Variants in DTNBP1 observed in about 807,000 individuals in gnomAD.
DTNBP1 encodes dysbindin.
DTNBP1 carries 35 observed loss-of-function variants against 42.8 expected under a neutral mutation model. That is an observed-to-expected ratio of 0.82 (90% CI 0.63 to 1.09). The LOEUF is 1.09. Ranked by LOEUF, DTNBP1 falls within the 50% of genes least tolerant of loss-of-function variation. The probability of loss-of-function intolerance (pLI) is 0.00; values close to 1 mark genes in which losing one functional copy is unlikely to be tolerated. For synonymous variants in DTNBP1, 171 were observed against 162.2 expected (o/e 1.05, Z -0.41); for missense variants, 457 against 424.2 (o/e 1.08, Z -0.68).
intron 7 of DTNBP1, among the ~76,000 whole-genome samples, chr6:15,577,739 G>A (rs966850896): frequency 6.6e-6 from 1 of 152,146 alleles, no homozygotes; most frequent in African/African-American, 2.4e-5. Context: ...GTGAGGCCAG[G>A]ATTGGAGCCA....
chr6:15,632,441 A>T (rs567804555), intron 4 of DTNBP1, among the ~76,000 whole-genome samples: 1 of 152,356 alleles, frequency 6.6e-6, no homozygotes, highest in South Asian at 2.1e-4. Flanking sequence ...ACATTATACT[A>T]GAGTTTCTAC....
At chr6:15,632,215 T>C (rs1759735844) in intron 4 of DTNBP1, among the ~76,000 whole-genome samples, 1 of 152,218 alleles carries the variant, frequency 6.6e-6, no homozygotes, top group South Asian at 2.1e-4. Flanking sequence ...ACTTAATTTT[T>C]CACGGTGTTG....
At chr6:15,625,955 T>C (rs1759314877) in intron 5 of DTNBP1, among the ~76,000 whole-genome samples, 1 of 152,216 alleles carries the variant, frequency 6.6e-6, no homozygotes, top group Non-Finnish European at 1.5e-5. Flanking sequence ...TTTACACTTT[T>C]CTAAGACCCA....
At chr6:15,524,226 A>C (rs561962619) in intron 9 of DTNBP1, 1 of 1,546,164 alleles carries the variant, frequency 6.5e-7, no homozygotes, top group South Asian at 1.2e-5. Flanking sequence ...AACCACAAGG[A>C]GCAGACTCAA....
chr6:15,600,988 G>A (rs1032033129), intron 6 of DTNBP1, among the ~76,000 whole-genome samples: 2 of 152,198 alleles, frequency 1.3e-5, no homozygotes, highest in Non-Finnish European at 2.9e-5. Flanking sequence ...CATGCCCAAG[G>A]AGGGTCTGCA....
chr6:15,621,509 G>C (rs1759038639), intron 5 of DTNBP1, among the ~76,000 whole-genome samples: 1 of 152,154 alleles, frequency 6.6e-6, no homozygotes, highest in Non-Finnish European at 1.5e-5. Flanking sequence ...TTATCAACCT[G>C]GAATTCCTAA....
chr6:15,573,555 C>T (rs1276840387), intron 7 of DTNBP1, among the ~76,000 whole-genome samples: 1 of 152,110 alleles, frequency 6.6e-6, no homozygotes, highest in East Asian at 1.9e-4. Flanking sequence ...TGGCTCACAT[C>T]TATAATCCCA....
chr6:15,522,977 A>T lies in DTNBP1; in HGVS notation c.1054T>A (p.Ter352LysextTer29). 1 of 1,614,180 alleles carries T rather than the reference A, an allele frequency of 6.2e-7. No homozygotes were observed. Among genetic ancestry groups the T allele is most frequent in the Non-Finnish European group, 8.5e-7 (1 of 1,180,028 alleles). Residue 352 changes from the stop codon to lysine (K), a stop_lost, in exon 10 of 10, where the codon TAA (stop) becomes AAA (lysine). Coordinates refer to ENST00000344537, the MANE Select transcript of DTNBP1 (RefSeq NM_032122.5). ...CCAGACAACGCCCATGTCCCAATTTAAGAGTCGCTGTCCTCACCACCATCC... is the reference window on the plus strand; with the variant it reads ...CCAGACAACGCCCATGTCCCAATTTTAGAGTCGCTGTCCTCACCACCATCC... ...TPDGGEDSDS* is the reference protein window; with the variant it reads ...TPDGGEDSDSK
At chr6:15,548,569 A>T (rs912558949) in intron 7 of DTNBP1, among the ~76,000 whole-genome samples, 4 of 152,108 alleles carry the variant, frequency 2.6e-5, no homozygotes, top group Admixed American at 6.6e-5. Context: ...AAAAACCAAA[A>T]GCATCCCCTT....
intron 8 of DTNBP1, among the ~76,000 whole-genome samples, chr6:15,526,617 A>C (rs2127789386): frequency 6.6e-6 from 1 of 152,326 alleles, no homozygotes; most frequent in East Asian, 1.9e-4. Context: ...GCACAGGGAC[A>C]GCAGTTCGCT....
At position 15,638,197 on chromosome 6, in the gene DTNBP1, G is replaced by A. The variant is rs956061422; in HGVS notation, c.162-393C>T. On this transcript the variant is annotated intron_variant, in intron 3 of 9. Coordinates refer to ENST00000344537, the MANE Select transcript of DTNBP1 (RefSeq NM_032122.5). ...GGCTGGAGTGCAGTGGTGCGATCTC[G>A]ACTCACTGCAACCTCCACCTCCCAA... Among the ~76,000 whole-genome samples, 39 of 151,742 alleles carry A rather than the reference G, an allele frequency of 2.6e-4. 1 individual carries two copies. The highest frequency in any genetic ancestry group is 1.7e-3 in the East Asian group (9 of 5,160).
At chr6:15,608,589 T>C (rs1758207163) in intron 6 of DTNBP1, among the ~76,000 whole-genome samples, 1 of 152,228 alleles carries the variant, frequency 6.6e-6, no homozygotes, top group Non-Finnish European at 1.5e-5. Flanking sequence ...CTCTGCTCTG[T>C]GCAGGCTCTT....
intron 3 of DTNBP1, among the ~76,000 whole-genome samples, chr6:15,642,787 C>T (rs963716638): frequency 6.6e-6 from 1 of 152,092 alleles, no homozygotes; most frequent in African/African-American, 2.4e-5. Context: ...CAACATATAC[C>T]ACAGCCATAC....
intron 4 of DTNBP1, among the ~76,000 whole-genome samples, chr6:15,637,293 C>T (rs184585659): frequency 6.6e-6 from 1 of 152,206 alleles, no homozygotes; most frequent in East Asian, 1.9e-4. Context: ...CTGAGGATGA[C>T]CCCTGAAATT....
At chr6:15,581,799 T>TA (rs1181342230) in intron 7 of DTNBP1, among the ~76,000 whole-genome samples, 1 of 152,150 alleles carries the variant, frequency 6.6e-6, no homozygotes, top group Non-Finnish European at 1.5e-5. Flanking sequence ...TTAAAACTGT[T>TA]ACGCAGAAAT....
At chr6:15,646,407 T>C (rs557193855) in intron 3 of DTNBP1, among the ~76,000 whole-genome samples, 1 of 151,844 alleles carries the variant, frequency 6.6e-6, no homozygotes, top group African/African-American at 2.4e-5. Flanking sequence ...GCTCATGGAT[T>C]AGAAGAATCA....
intron 9 of DTNBP1, 138 bp downstream of exon 9, chr6:15,524,388 G>A: frequency 1.2e-6 from 2 of 1,614,104 alleles, no homozygotes; most frequent in Non-Finnish European, 1.7e-6. Flanking sequence ...GGAACCGTGG[G>A]GTTAGGGAGC....
intron 4 of DTNBP1, among the ~76,000 whole-genome samples, chr6:15,628,638 C>T (rs974647916): frequency 6.6e-6 from 1 of 151,942 alleles, no homozygotes; most frequent in African/African-American, 2.4e-5. Flanking sequence ...AACTCCTGGC[C>T]TCAAGCAATC....
Position 15,533,375 on chromosome 6 carries a change from C to G in DTNBP1, c.532G>C (p.Ala178Pro), listed in dbSNP as rs75704383. 1 of 1,614,206 alleles carries G rather than the reference C, an allele frequency of 6.2e-7. No homozygotes were observed. The highest frequency in any genetic ancestry group is 8.5e-7 in the Non-Finnish European group (1 of 1,180,038). ...TGCTCCATTTCCAGGACCTTCTGGGCGTGCTCTGCATCTAGTTCAGCTGAG... is the reference window on the plus strand; with the variant it reads ...TGCTCCATTTCCAGGACCTTCTGGGGGTGCTCTGCATCTAGTTCAGCTGAG... ...TFKAELDAEH[A>P]QKVLEMEHTQ... The change falls in exon 8 of 10, where the codon GCC becomes CCC. Residue 178 changes from alanine (A) to proline (P), a missense_variant. Physicochemically the swap from Ala to Pro is conservative, Grantham distance 27. Coordinates refer to ENST00000344537, the MANE Select transcript of DTNBP1 (RefSeq NM_032122.5).
Sources: gnomAD v4.1 joint callset for allele counts (sites outside exome capture counted in the v4.1 genomes callset) on GRCh38, gnomAD v4.1.1 for gene constraint, MANE v1.5 for transcripts, NCBI Gene and HGNC (gene_info 2026-07-23, HGNC 2026-07-21) for gene names.